The following FSCN1 variants were observed in gnomAD, a reference collection of about 807,000 sequenced individuals.
FSCN1 encodes the protein fascin actin-bundling protein 1.
In FSCN1, 10 loss-of-function variants were observed where a neutral mutation model predicts 39.7. The ratio of observed to expected loss-of-function variants is 0.25; its 90% CI spans 0.16 to 0.43. FSCN1 has a LOEUF of 0.43. FSCN1 is among the 20% of genes least tolerant of loss of function. FSCN1 has a pLI of 1.00. For synonymous variants in FSCN1, 322 were observed against 320.0 expected, an observed-to-expected ratio of 1.01 and a Z score of -0.07; for missense variants, 525 against 723.8, an observed-to-expected ratio of 0.73 and a Z score of 3.15.
chr7:5,605,145 C>T lies in FSCN1; in HGVS notation c.1280-127C>T. 1.5e-6 allele frequency: 1 copy of T among 686,490 alleles called. No homozygotes were observed. The allele number at this position is 686,490 out of a possible 1,614,324, so 42.5% of individuals were successfully genotyped here. A position where few individuals can be genotyped will look rare whatever the true frequency, so the allele number is the denominator to read the frequency against. On this transcript the variant is annotated intron_variant, in intron 4 of 4. Transcript: ENST00000382361. The surrounding 1 kb of genome is among the most constrained non-coding windows in gnomAD (Gnocchi z 6.9). Reference sequence around the variant, plus strand: ...GACGTGCGGGCCATAGGGACCCTGGCTCATTCCGGAGCCGGGACTGGAGGG... The same window carrying T: ...GACGTGCGGGCCATAGGGACCCTGGTTCATTCCGGAGCCGGGACTGGAGGG...
intron 1 of FSCN1, among the ~76,000 whole-genome samples, chr7:5,601,481 G>A (rs1170860323): frequency 1.3e-5 from 2 of 152,102 alleles, no homozygotes; most frequent in Non-Finnish European, 2.9e-5. Context: ...GGGATTACAG[G>A]CGTGAGCCGC....
chr7:5,603,167 G>A lies in FSCN1; in HGVS notation c.833-90G>A. On this transcript the variant is annotated intron_variant, in intron 1 of 4. Transcript: ENST00000382361. The surrounding 1 kb of genome is among the most constrained non-coding windows in gnomAD (Gnocchi z 8.5). ...CCACCCCACCCCGTGGTGTTACCTT[G>A]CGTGTGTAGTTCTGTGAGCTCAGGG... 1 of 1,457,276 alleles carries A rather than the reference G, an allele frequency of 6.9e-7. No individual in the cohort carries two copies. Among genetic ancestry groups the A allele is most frequent in the Non-Finnish European group, 9.4e-7 (1 of 1,060,300 alleles). The allele number at this position is 1,457,276 out of a possible 1,614,324, so 90.3% of individuals were successfully genotyped here. A position where few individuals can be genotyped will look rare whatever the true frequency, so the allele number is the denominator to read the frequency against.
chr7:5,602,608 A>C (rs1160236445), intron 1 of FSCN1, among the ~76,000 whole-genome samples: 1 of 152,226 alleles, frequency 6.6e-6, no homozygotes, highest in Non-Finnish European at 1.5e-5. Context: ...CAACGTGATC[A>C]ACAGTAATCA....
intron 1 of FSCN1, among the ~76,000 whole-genome samples, chr7:5,601,084 C>T (rs1486451500): frequency 2.6e-5 from 4 of 151,484 alleles, no homozygotes; most frequent in South Asian, 2.1e-4. Context: ...CCACTGTGCC[C>T]GGCCAGTCCC....
intron 1 of FSCN1, among the ~76,000 whole-genome samples, chr7:5,594,229 C>T (rs999698642): frequency 2.0e-5 from 3 of 152,170 alleles, no homozygotes; most frequent in Non-Finnish European, 4.4e-5. Flanking sequence ...CCACCCCCAC[C>T]GGCAGCCTTT....
chr7:5,600,188 G>T (rs1785799917), intron 1 of FSCN1, among the ~76,000 whole-genome samples: 1 of 152,080 alleles, frequency 6.6e-6, no homozygotes, highest in Non-Finnish European at 1.5e-5. Context: ...GAGGTGGGTG[G>T]ATCACCTGAG....
In FSCN1 at chr7:5,603,147, C is replaced by A; in HGVS notation, c.833-110C>A. 7.0e-6 allele frequency: 9 copies of A among 1,290,726 alleles called. 1 individual carries two copies. In the South Asian group the frequency reaches 9.3e-5, roughly 13 times the overall value. 80.0% of individuals were successfully genotyped at this position (1,290,726 alleles called of 1,614,324 possible). A position where few individuals can be genotyped will look rare whatever the true frequency, so the allele number is the denominator to read the frequency against. The stretch of plus-strand genomic sequence containing the variant: ...CACTGTGGGGACTCGGCCGCCCACC[C>A]CACCCCGTGGTGTTACCTTGCGTGT... On this transcript the variant is annotated intron_variant, in intron 1 of 4. Coordinates refer to ENST00000382361, the MANE Select transcript of FSCN1 (RefSeq NM_003088.4). The surrounding 1 kb of genome is among the most constrained non-coding windows in gnomAD (Gnocchi z 8.5).
chr7:5,602,344 T>C (rs982852336), intron 1 of FSCN1, among the ~76,000 whole-genome samples: 18 of 152,044 alleles, frequency 1.2e-4, no homozygotes, highest in African/African-American at 4.1e-4. Context: ...CCGGCCCTTT[T>C]ATAAGTTTTC....
Position 5,593,311 on chromosome 7 carries a change from G to A in FSCN1, c.375G>A (p.Thr125=). ...ACCGCCTGTCCTGCTTCGCGCAGAC[G>A]GTGTCCCCCGCCGAGAAGTGGAGCG... The part of the protein sequence containing the change: ...TEDRLSCFAQ[T]VSPAEKWSVH... The change falls in exon 1 of 5, where the codon ACG becomes ACA. Residue 125 remains threonine, a synonymous_variant. Transcript: ENST00000382361. 1 of 1,611,112 alleles carries A rather than the reference G, an allele frequency of 6.2e-7. No individual in the cohort carries two copies. Among genetic ancestry groups the A allele is most frequent in the Non-Finnish European group, 8.5e-7 (1 of 1,179,262 alleles).
intron 1 of FSCN1, among the ~76,000 whole-genome samples, chr7:5,598,733 C>T (rs1785774159): frequency 6.6e-6 from 1 of 152,108 alleles, no homozygotes; most frequent in African/African-American, 2.4e-5. Flanking sequence ...GGACCTAGAA[C>T]CTCTCCCTCC....
At position 5,605,053 on chromosome 7, in the gene FSCN1, G is replaced by C. The variant is rs1007743911; in HGVS notation, c.1280-219G>C. Among the ~76,000 whole-genome samples, 4 of 152,190 alleles carry C rather than the reference G, an allele frequency of 2.6e-5. No individual in the cohort carries two copies. Among genetic ancestry groups the C allele is most frequent in the African/African-American group, 9.7e-5 (4 of 41,438 alleles). On this transcript the variant is annotated intron_variant, in intron 4 of 4. Transcript: ENST00000382361. This position sits in a 1 kb window ranked among gnomAD's most constrained non-coding sequence, Gnocchi z 6.9. The stretch of plus-strand genomic sequence containing the variant: ...CTCCCAAAGTGCTGGGATTACAGGC[G>C]TGAGCCACTGCGGCCGAGCAGAACA...
At chr7:5,600,395 C>T (rs1013925009) in intron 1 of FSCN1, among the ~76,000 whole-genome samples, 2 of 151,984 alleles carry the variant, frequency 1.3e-5, no homozygotes, top group African/African-American at 4.8e-5. Context: ...GCCCGGGAGA[C>T]ACAGCGAGAC....
chr7:5,601,100 A>G (rs950655288), intron 1 of FSCN1, among the ~76,000 whole-genome samples: 4 of 150,590 alleles, frequency 2.7e-5, no homozygotes, highest in Non-Finnish European at 5.9e-5. Flanking sequence ...GTCCCATTCT[A>G]CTTTTTAGGG....
chr7:5,606,251 A>G lies in FSCN1; in HGVS notation c.*777A>G, dbSNP rs1438744809. On this transcript the variant is annotated 3_prime_UTR_variant, in exon 5 of 5. Coordinates refer to ENST00000382361, the MANE Select transcript of FSCN1 (RefSeq NM_003088.4). This position sits in a 1 kb window ranked among gnomAD's most constrained non-coding sequence, Gnocchi z 5.1. ...TCAGTATTTTTTTTAATGAAATATT[A>G]TTGCTGGAGGCGTCCCAGGCAAGCC... 6.6e-6 allele frequency: 1 copy of G among 152,130 alleles called. No individual in the cohort carries two copies. Among genetic ancestry groups the G allele is most frequent in the Admixed American group, 6.5e-5 (1 of 15,278 alleles). 9.4% of individuals were successfully genotyped at this position (152,130 alleles called of 1,614,324 possible). A position where few individuals can be genotyped will look rare whatever the true frequency, so the allele number is the denominator to read the frequency against.
At chr7:5,593,867 CTGCGGTCCG>C in intron 1 of FSCN1, 99 bp downstream of exon 1, 1 of 875,592 alleles carries the variant, frequency 1.1e-6, no homozygotes, top group African/African-American at 1.8e-5. Flanking sequence ...CGCGGCGCCG[CTGCGGTCCG>C]GAGCACTGCC....
At position 5,603,275 on chromosome 7, in the gene FSCN1, A is replaced by G. The variant is rs1209396166; in HGVS notation, c.851A>G (p.Asn284Ser). The G allele has an allele frequency of 3.7e-6, 6 of 1,612,162 alleles. No individual in the cohort carries two copies. The highest frequency in any genetic ancestry group is 1.7e-5 in the Admixed American group (1 of 60,004). The part of the protein sequence containing the change: ...STRQGMDLSA[N>S]QDEETDQETF... ...TCTGCAGGTATGGACCTGTCTGCCA[A>G]TCAGGACGAGGAGACCGACCAGGAG... Residue 284 changes from asparagine to serine, a missense_variant, in exon 2 of 5, where the codon AAT (asparagine) becomes AGT (serine). Asn to Ser is a conservative substitution (Grantham distance 46). Transcript: ENST00000382361. This position sits in a 1 kb window ranked among gnomAD's most constrained non-coding sequence, Gnocchi z 8.5.
chr7:5,602,126 A>G (rs1305786119), intron 1 of FSCN1, among the ~76,000 whole-genome samples: 2 of 151,692 alleles, frequency 1.3e-5, no homozygotes, highest in African/African-American at 4.8e-5. Context: ...GGCTGGTCTC[A>G]AACTCCCGAC....
rs369511249 is a variant in FSCN1 at position 5,592,928 on chromosome 7, A to G, written c.-9A>G. 46 of 1,489,694 alleles carry G rather than the reference A, an allele frequency of 3.1e-5. 1 individual carries two copies. Among genetic ancestry groups the G allele is most frequent in the African/African-American group, 2.8e-4 (20 of 70,600 alleles). 92.3% of individuals were successfully genotyped at this position (1,489,694 alleles called of 1,614,324 possible). On this transcript the variant is annotated 5_prime_UTR_variant, in exon 1 of 5. Coordinates refer to ENST00000382361, the MANE Select transcript of FSCN1 (RefSeq NM_003088.4). This position sits in a 1 kb window ranked among gnomAD's most constrained non-coding sequence, Gnocchi z 5.3. ...GGGGCCGCGCAGCGGCCTCTCGTCT[A>G]CTGCCACCATGACCGCCAACGGCAC...
In FSCN1 at chr7:5,600,903, CT is replaced by C. The variant is rs1430787330; in HGVS notation, c.833-2353del. On this transcript the variant is annotated intron_variant, in intron 1 of 4. Transcript: ENST00000382361. ...TCTCCTGACCTCGTGATCCGCCTGC[CT>C]CGGCCTCCCAAAGTGCTGGGATTAC... Among the ~76,000 whole-genome samples the C allele has an allele frequency of 6.3e-3, 842 of 134,612 alleles. 13 individuals carry two copies. Among genetic ancestry groups the C allele is most frequent in the African/African-American group, 0.023 (802 of 35,002 alleles). 88.3% of individuals were successfully genotyped at this position (134,612 alleles called of 152,430 possible). A position where few individuals can be genotyped will look rare whatever the true frequency, so the allele number is the denominator to read the frequency against.
Sources: gnomAD v4.1 joint callset for allele counts (sites outside exome capture counted in the v4.1 genomes callset) on GRCh38, gnomAD v4.1.1 for gene constraint, Gnocchi (gnomAD v3.1) non-coding constraint, MANE v1.5 for transcripts, NCBI Gene and HGNC (gene_info 2026-07-23, HGNC 2026-07-21) for gene names.